Variants in STK32B observed in about 807,000 individuals in gnomAD.
STK32B encodes serine/threonine-protein kinase 32B.
A neutral mutation model predicts 52.6 loss-of-function variants in STK32B; 43 were observed. The ratio of observed to expected loss-of-function variants is 0.82; its 90% CI spans 0.64 to 1.05. STK32B has a LOEUF of 1.05. STK32B is among the 50% of genes least tolerant of loss of function. STK32B has a pLI of 0.00. For missense variants in STK32B, 621 were observed against 534.6 expected (o/e 1.16, Z -1.59); for synonymous variants, 238 against 204.3 (o/e 1.17, Z -1.41).
intron 3 of STK32B, among the ~76,000 whole-genome samples, chr4:5,299,771 A>G (rs916135610): frequency 1.3e-5 from 2 of 152,206 alleles, no homozygotes; most frequent in Admixed American, 6.6e-5. Context: ...TCCATATACC[A>G]TGTTATGAAA....
chr4:5,252,022 T>G (rs1725968532), intron 3 of STK32B, among the ~76,000 whole-genome samples: 1 of 152,192 alleles, frequency 6.6e-6, no homozygotes, highest in African/African-American at 2.4e-5. Flanking sequence ...GAAGTTCATA[T>G]TCCTTGAACT....
intron 4 of STK32B, among the ~76,000 whole-genome samples, chr4:5,364,620 T>G (rs2109003135): frequency 6.6e-6 from 1 of 152,296 alleles, no homozygotes; most frequent in African/African-American, 2.4e-5. Flanking sequence ...TATCCCTGAA[T>G]GAGTTGAACC....
chr4:5,037,031 T>C, the STK32B span, among the ~76,000 whole-genome samples: 24 of 152,258 alleles, frequency 1.6e-4, no homozygotes, highest in Middle Eastern at 3.4e-3. Context: ...CCTGTGGAAA[T>C]TGGCATTTTT....
At chr4:5,374,419 G>C (rs1735449149) in intron 4 of STK32B, among the ~76,000 whole-genome samples, 1 of 152,214 alleles carries the variant, frequency 6.6e-6, no homozygotes, top group South Asian at 2.1e-4. Context: ...GAAAGAGTTT[G>C]TCATAAATAT....
Position 5,227,328 on chromosome 4 carries a change from A to G in STK32B, c.260+58878A>G, listed in dbSNP as rs994554044. 2.6e-5 allele frequency among the ~76,000 whole-genome samples: 4 copies of G among 152,214 alleles called. No homozygotes were observed. The East Asian group carries it at 5.8e-4, about 22-fold the overall frequency. ...ATTTAAGTGGTTCTTTTACCCACGC[A>G]TGATTTTTGTAACACAATATATTAG... On this transcript the variant is annotated intron_variant, in intron 3 of 11. Coordinates refer to ENST00000282908, the MANE Select transcript of STK32B (RefSeq NM_018401.3).
intron 4 of STK32B, among the ~76,000 whole-genome samples, chr4:5,336,856 A>G (rs546510034): frequency 1.3e-5 from 2 of 152,248 alleles, no homozygotes; most frequent in East Asian, 3.8e-4. Flanking sequence ...TACGAAGGGC[A>G]CGGAGCAATG....
chr4:5,219,697 C>G (rs988489278), intron 3 of STK32B, among the ~76,000 whole-genome samples: 2 of 152,238 alleles, frequency 1.3e-5, no homozygotes, highest in Admixed American at 6.5e-5. Flanking sequence ...TGGACCAGCA[C>G]TTGACTGCGT....
intron 2 of STK32B, among the ~76,000 whole-genome samples, chr4:5,145,499 T>A (rs972264228): frequency 2.6e-5 from 4 of 152,188 alleles, no homozygotes; most frequent in African/African-American, 9.6e-5. Context: ...CTTGACCCTT[T>A]ACTGTCAAAA....
At chr4:5,191,336 T>A (rs1416909185) in intron 3 of STK32B, among the ~76,000 whole-genome samples, 1 of 151,860 alleles carries the variant, frequency 6.6e-6, no homozygotes, top group Non-Finnish European at 1.5e-5. Context: ...CTACAAGCTC[T>A]GCCTCCCGGG....
chr4:5,209,034 C>A (rs1017080636), intron 3 of STK32B, among the ~76,000 whole-genome samples: 3 of 152,220 alleles, frequency 2.0e-5, no homozygotes, highest in Admixed American at 6.5e-5. Flanking sequence ...CCTCTCATGG[C>A]CCCTTTTCCT....
intron 3 of STK32B, among the ~76,000 whole-genome samples, chr4:5,250,491 T>G (rs1725849269): frequency 6.6e-6 from 1 of 152,022 alleles, no homozygotes; most frequent in African/African-American, 2.4e-5. Context: ...TTTTGTAGTT[T>G]TAGTAGAGAG....
At chr4:5,485,357 C>T (rs1417558513) in intron 11 of STK32B, among the ~76,000 whole-genome samples, 1 of 152,140 alleles carries the variant, frequency 6.6e-6, no homozygotes, top group Non-Finnish European at 1.5e-5. Context: ...ATCACTGATA[C>T]CCTTTCTTCC....
At chr4:5,151,114 A>G (rs1717331202) in intron 2 of STK32B, among the ~76,000 whole-genome samples, 1 of 152,188 alleles carries the variant, frequency 6.6e-6, no homozygotes, top group Non-Finnish European at 1.5e-5. Flanking sequence ...TAAGCTTTCT[A>G]GAAGGTCTAT....
At chr4:5,465,022 C>T (rs375468644) in intron 9 of STK32B, among the ~76,000 whole-genome samples, 1 of 152,066 alleles carries the variant, frequency 6.6e-6, no homozygotes, top group Non-Finnish European at 1.5e-5. Flanking sequence ...TGATGATGGA[C>T]AAAGCCCAGT....
chr4:5,158,416 C>G (rs796597382), intron 2 of STK32B, among the ~76,000 whole-genome samples: 2 of 152,286 alleles, frequency 1.3e-5, no homozygotes, highest in African/African-American at 4.8e-5. Context: ...ACCATCACCT[C>G]TCTTTGTTCC....
intron 3 of STK32B, among the ~76,000 whole-genome samples, chr4:5,300,170 TAAAAA>T (rs1211096749): frequency 6.6e-6 from 1 of 152,150 alleles, no homozygotes; most frequent in East Asian, 1.9e-4. Flanking sequence ...AAACAGAATT[TAAAAA>T]CAAACCATAT....
At chr4:5,404,861 C>T (rs1040986779) in intron 5 of STK32B, among the ~76,000 whole-genome samples, 2 of 137,152 alleles carry the variant, frequency 1.5e-5, no homozygotes, top group Non-Finnish European at 3.0e-5. Flanking sequence ...TCTCTGTATG[C>T]GATTTTTTTT....
chr4:5,033,168 C>T, the STK32B span, among the ~76,000 whole-genome samples: 13 of 152,190 alleles, frequency 8.5e-5, no homozygotes, highest in Admixed American at 6.5e-4. Flanking sequence ...GGTCAGCGGC[C>T]TCATGGAAGG....
At chr4:5,052,696 T>A (rs1186959724) in intron 1 of STK32B, among the ~76,000 whole-genome samples, 1 of 152,232 alleles carries the variant, frequency 6.6e-6, no homozygotes, top group Non-Finnish European at 1.5e-5. Context: ...TGTTTGAAGC[T>A]TAACCACTAG....
Sources: gnomAD v4.1 joint callset for allele counts (sites outside exome capture counted in the v4.1 genomes callset) on GRCh38, gnomAD v4.1.1 for gene constraint, MANE v1.5 for transcripts, NCBI Gene and HGNC (gene_info 2026-07-23, HGNC 2026-07-21) for gene names.